PDE7A: variants seen among roughly 807,000 people sequenced by gnomAD.
PDE7A encodes the protein high affinity 3',5'-cyclic-AMP phosphodiesterase 7A.
A neutral mutation model predicts 64.3 loss-of-function variants in PDE7A; 39 were observed. The ratio of observed to expected loss-of-function variants is 0.61; its 90% CI spans 0.47 to 0.79. The LOEUF is 0.79. Ranked by LOEUF, PDE7A falls within the 30% of genes least tolerant of loss-of-function variation. The probability of loss-of-function intolerance (pLI) is 0.00; values close to 1 mark genes in which losing one functional copy is unlikely to be tolerated. For missense variants in PDE7A, 470 were observed against 582.8 expected, an observed-to-expected ratio of 0.81 and a Z score of 1.99; for synonymous variants, 203 against 206.8, an observed-to-expected ratio of 0.98 and a Z score of 0.16.
chr8:65,790,848 G>A (rs1237881732), intron 1 of PDE7A, among the ~76,000 whole-genome samples: 2 of 152,212 alleles, frequency 1.3e-5, no homozygotes, highest in Non-Finnish European at 2.9e-5. Flanking sequence ...TAAACTTGAA[G>A]GATGCCTAGG....
intron 3 of PDE7A, among the ~76,000 whole-genome samples, chr8:65,775,236 TAC>T (rs904352666): frequency 2.6e-5 from 4 of 152,220 alleles, no homozygotes; most frequent in Admixed American, 2.6e-4. Flanking sequence ...AGCTCTTAGT[TAC>T]AGAGTTCTAC....
chr8:65,743,164 G>C (rs995407556), intron 5 of PDE7A, among the ~76,000 whole-genome samples: 2 of 152,184 alleles, frequency 1.3e-5, no homozygotes, highest in Non-Finnish European at 2.9e-5. Context: ...AAAATGTTAA[G>C]AGTGGCATTG....
chr8:65,771,325 C>A, intron 3 of PDE7A: 1 of 152,422 alleles, frequency 6.6e-6, no homozygotes. Flanking sequence ...AGAATATGTT[C>A]AACATGGAGA....
intron 1 of PDE7A, among the ~76,000 whole-genome samples, chr8:65,828,150 TA>T (rs140381186): frequency 4.5e-4 from 67 of 148,810 alleles, no homozygotes; most frequent in South Asian, 8.5e-4. Context: ...TTTCATTGTT[TA>T]AAAAAAAAAA....
At chr8:65,779,510 T>C (rs1809349821) in intron 3 of PDE7A, among the ~76,000 whole-genome samples, 1 of 152,204 alleles carries the variant, frequency 6.6e-6, no homozygotes, top group African/African-American at 2.4e-5. Context: ...CTATATCAAC[T>C]TTCATATTTT....
intron 6 of PDE7A, 59 bp downstream of exon 6, chr8:65,739,443 T>TA: frequency 6.7e-7 from 1 of 1,487,468 alleles, no homozygotes; most frequent in South Asian, 1.4e-5. Flanking sequence ...AGATAAAACT[T>TA]AAACAGGTTC....
chr8:65,750,237 G>A (rs1807869427), intron 3 of PDE7A, among the ~76,000 whole-genome samples: 1 of 152,130 alleles, frequency 6.6e-6, no homozygotes, highest in Non-Finnish European at 1.5e-5. Flanking sequence ...TACAATGAAT[G>A]CATTAGAGCC....
chr8:65,813,306 GAAAGTACTATTAAAAA>G (rs1273274979), intron 1 of PDE7A, among the ~76,000 whole-genome samples: 1 of 152,056 alleles, frequency 6.6e-6, no homozygotes, highest in Non-Finnish European at 1.5e-5. Context: ...AGCACTGTTT[GAAAGTACTATTAAAAA>G]AAAATACAAG....
intron 1 of PDE7A, among the ~76,000 whole-genome samples, chr8:65,819,137 C>G (rs1563519543): frequency 6.6e-6 from 1 of 152,228 alleles, no homozygotes; most frequent in South Asian, 2.1e-4. Flanking sequence ...GGGCTCATGT[C>G]TGTTATGCAG....
chr8:65,725,523 T>A (rs1806573790), intron 9 of PDE7A: 1 of 154,144 alleles, frequency 6.5e-6, no homozygotes, highest in African/African-American at 2.4e-5. Context: ...GGTAACATGT[T>A]AATATAAACA....
chr8:65,781,896 G>A (rs1367994763), intron 2 of PDE7A, among the ~76,000 whole-genome samples: 2 of 152,122 alleles, frequency 1.3e-5, no homozygotes, highest in South Asian at 4.1e-4. Context: ...GCACATTTGT[G>A]GGGGAAAAAT....
intron 1 of PDE7A, among the ~76,000 whole-genome samples, chr8:65,813,528 C>G (rs539710837): frequency 6.6e-6 from 1 of 152,168 alleles, no homozygotes; most frequent in African/African-American, 2.4e-5. Context: ...AAAATGATAG[C>G]TGATTTTCAA....
At chr8:65,758,386 T>C (rs1341558213) in intron 3 of PDE7A, among the ~76,000 whole-genome samples, 1 of 152,178 alleles carries the variant, frequency 6.6e-6, no homozygotes, top group Non-Finnish European at 1.5e-5. Flanking sequence ...GGAAAAAATG[T>C]TTTTAGGTGA....
chr8:65,768,358 C>A (rs1042900201), intron 3 of PDE7A, among the ~76,000 whole-genome samples: 1 of 151,996 alleles, frequency 6.6e-6, no homozygotes, highest in African/African-American at 2.4e-5. Context: ...GTGGGAGGGA[C>A]CTGGTAGGAG....
chr8:65,779,884 TG>T (rs1192397823), intron 2 of PDE7A, 81 bp from the exon 3 acceptor site: 5 of 774,096 alleles, frequency 6.5e-6, no homozygotes, highest in Non-Finnish European at 6.4e-6. Context: ...AAGGTCCGTG[TG>T]GTATCATATT....
chr8:65,727,474 T>C (rs1563472135), intron 7 of PDE7A, 173 bp from the exon 8 acceptor site: 2 of 793,236 alleles, frequency 2.5e-6, no homozygotes, highest in African/African-American at 3.5e-5. Flanking sequence ...CAGGTCCTGA[T>C]CTCATCACCA....
At chr8:65,753,519 C>T (rs1435584233) in intron 3 of PDE7A, among the ~76,000 whole-genome samples, 1 of 152,110 alleles carries the variant, frequency 6.6e-6, no homozygotes, top group Non-Finnish European at 1.5e-5. Context: ...CCACCCTCAC[C>T]CACCCCTAAG....
intron 1 of PDE7A, among the ~76,000 whole-genome samples, chr8:65,815,411 G>A (rs1287343237): frequency 1.3e-5 from 2 of 151,964 alleles, no homozygotes; most frequent in Non-Finnish European, 2.9e-5. Context: ...TTTAGAGACA[G>A]GATCTGGTCT....
intron 3 of PDE7A, among the ~76,000 whole-genome samples, chr8:65,762,915 T>C (rs975945110): frequency 2.6e-5 from 4 of 151,810 alleles, no homozygotes; most frequent in African/African-American, 4.8e-5. Flanking sequence ...GGTGGGAGGA[T>C]TGCTTGAGCC....
Sources: gnomAD v4.1 joint callset for allele counts (sites outside exome capture counted in the v4.1 genomes callset) on GRCh38, gnomAD v4.1.1 for gene constraint, MANE v1.5 for transcripts, NCBI Gene and HGNC (gene_info 2026-07-23, HGNC 2026-07-21) for gene names.